PCDH15: variants seen among roughly 807,000 people sequenced by gnomAD.
PCDH15 encodes the protein protocadherin-15.
A neutral mutation model predicts 178.5 loss-of-function variants in PCDH15; 129 were observed. The ratio of observed to expected loss-of-function variants is 0.72; its 90% CI spans 0.63 to 0.84. PCDH15 has a LOEUF of 0.84. Ranked by LOEUF, PCDH15 falls within the 40% of genes least tolerant of loss-of-function variation. The pLI is 0.00. For missense variants in PCDH15, 2,230 were observed against 2,099.9 expected, an observed-to-expected ratio of 1.06 and a Z score of -1.21; for synonymous variants, 800 against 732.0, an observed-to-expected ratio of 1.09 and a Z score of -1.50.
intron 13 of PCDH15, among the ~76,000 whole-genome samples, chr10:54,180,098 T>G (rs971946087): frequency 6.6e-6 from 1 of 152,166 alleles, no homozygotes; most frequent in African/African-American, 2.4e-5. Context: ...AATTTTCCCT[T>G]AAACAAAATA....
intron 7 of PCDH15, among the ~76,000 whole-genome samples, chr10:54,320,462 T>C (rs2061526945): frequency 6.6e-6 from 1 of 152,052 alleles, no homozygotes; most frequent in African/African-American, 2.4e-5. Flanking sequence ...AGGAGCAACA[T>C]GTGGCATGTG....
intron 20 of PCDH15, among the ~76,000 whole-genome samples, chr10:54,015,100 A>T (rs926026486): frequency 7.2e-5 from 11 of 152,182 alleles, no homozygotes; most frequent in African/African-American, 2.7e-4. Flanking sequence ...CAGTAATAGC[A>T]TTCCTATGTA....
intron 2 of PCDH15, among the ~76,000 whole-genome samples, chr10:54,985,269 G>C (rs887724260): frequency 2.0e-5 from 3 of 152,084 alleles, no homozygotes; most frequent in Non-Finnish European, 4.4e-5. Context: ...ATTGAAAAGA[G>C]ATATGGACTC....
chr10:54,772,814 G>T (rs1343375928), intron 1 of PCDH15, among the ~76,000 whole-genome samples: 1 of 152,066 alleles, frequency 6.6e-6, no homozygotes, highest in Non-Finnish European at 1.5e-5. Flanking sequence ...ACACATGCAT[G>T]CATATGTTAA....
At chr10:55,163,471 G>A (rs753076431) in intron 2 of PCDH15, among the ~76,000 whole-genome samples, 5 of 152,080 alleles carry the variant, frequency 3.3e-5, no homozygotes, top group Non-Finnish European at 7.4e-5. Context: ...AAGAGACTCC[G>A]TTATGAAGAG....
chr10:54,368,485 C>G (rs1423284052), intron 5 of PCDH15, among the ~76,000 whole-genome samples: 1 of 151,338 alleles, frequency 6.6e-6, no homozygotes, highest in African/African-American at 2.4e-5. Context: ...ATACAGTAAC[C>G]ACGGTTTAAA....
At chr10:54,035,631 A>C (rs1297459687) in intron 18 of PCDH15, among the ~76,000 whole-genome samples, 1 of 151,844 alleles carries the variant, frequency 6.6e-6, no homozygotes, top group Non-Finnish European at 1.5e-5. Context: ...ACTTTCCTTG[A>C]GCCTTCCTAT....
intron 1 of PCDH15, among the ~76,000 whole-genome samples, chr10:54,686,231 C>A (rs1054459978): frequency 3.3e-5 from 5 of 151,692 alleles, no homozygotes; most frequent in Non-Finnish European, 7.4e-5. Flanking sequence ...AAATTAAAAT[C>A]ATCAGCTAAT....
chr10:54,833,795 C>T (rs1292743197), intron 3 of PCDH15, among the ~76,000 whole-genome samples: 1 of 152,140 alleles, frequency 6.6e-6, no homozygotes, highest in African/African-American at 2.4e-5. Flanking sequence ...TGAGTACCAA[C>T]TAATTAGAGT....
At chr10:55,572,433 T>A (rs1241341908) in intron 2 of PCDH15, among the ~76,000 whole-genome samples, 1 of 150,752 alleles carries the variant, frequency 6.6e-6, no homozygotes, top group Non-Finnish European at 1.5e-5. Context: ...AGTATATTAA[T>A]ATATTATAAT....
At position 53,805,995 on chromosome 10, in the gene PCDH15, A is replaced by G. The variant is rs369347322; in HGVS notation, c.*584T>C. On this transcript the variant is annotated 3_prime_UTR_variant, in exon 38 of 38. Coordinates refer to ENST00000644397, the MANE Select transcript of PCDH15 (RefSeq NM_001384140.1). ...ATAAATGTATTTATGGTAAAATGTG[A>G]AAACCTTTATACAGGACAATAAAGA... The G allele has an allele frequency of 2.6e-5, 4 of 152,320 alleles. No homozygotes were observed. Among genetic ancestry groups the G allele is most frequent in the African/African-American group, 9.6e-5 (4 of 41,560 alleles). 9.4% of individuals were successfully genotyped at this position (152,320 alleles called of 1,614,324 possible).
intron 28 of PCDH15, among the ~76,000 whole-genome samples, chr10:53,854,144 G>T (rs531842987): frequency 1.5e-4 from 23 of 151,960 alleles, no homozygotes; most frequent in Non-Finnish European, 3.4e-4. Flanking sequence ...CATGCTAAGT[G>T]AAATAATCCA....
At chr10:54,450,363 G>A (rs1051554670) in intron 3 of PCDH15, among the ~76,000 whole-genome samples, 2 of 151,012 alleles carry the variant, frequency 1.3e-5, no homozygotes, top group African/African-American at 2.4e-5. Flanking sequence ...ATCAGGACAT[G>A]GTTTCATAAA....
At chr10:54,397,655 A>G (rs1005393057) in intron 3 of PCDH15, among the ~76,000 whole-genome samples, 2 of 152,036 alleles carry the variant, frequency 1.3e-5, no homozygotes, top group African/African-American at 4.8e-5. Flanking sequence ...TTCCAACAAC[A>G]TTGTGTGCAT....
chr10:55,619,788 A>T lies in PCDH15; in HGVS notation c.-156+7837T>A, dbSNP rs75136313. Among the ~76,000 whole-genome samples, 937 of 152,136 alleles carry T rather than the reference A, an allele frequency of 6.2e-3. 23 individuals carry two copies. The East Asian group carries it at 0.074, about 12-fold the overall frequency. ...ATAGCTTTCCAGATGAAAATGTAGT[A>T]TCCAATGTAGAAGTCACATATAATA... On this transcript the variant is annotated intron_variant, in intron 2 of 5. Coordinates refer to the PCDH15 transcript ENST00000613346.
intron 2 of PCDH15, among the ~76,000 whole-genome samples, chr10:55,425,337 GA>G (rs998618901): frequency 6.6e-6 from 1 of 151,700 alleles, no homozygotes; most frequent in African/African-American, 2.4e-5. Context: ...AAAAGTCATG[GA>G]AAAAACTAAC....
At chr10:54,604,381 C>A (rs2092661655) in intron 2 of PCDH15, among the ~76,000 whole-genome samples, 1 of 151,890 alleles carries the variant, frequency 6.6e-6, no homozygotes, top group Admixed American at 6.6e-5. Context: ...ATATTAAAAT[C>A]TTCTAGTATT....
intron 14 of PCDH15, among the ~76,000 whole-genome samples, chr10:54,139,482 A>T (rs1590734117): frequency 2.0e-5 from 3 of 152,110 alleles, no homozygotes; most frequent in Non-Finnish European, 4.4e-5. Flanking sequence ...TTTGGTGCTC[A>T]TTGGGTGTCT....
intron 1 of PCDH15, among the ~76,000 whole-genome samples, chr10:54,736,718 A>G (rs1944174785): frequency 6.6e-6 from 1 of 152,066 alleles, no homozygotes; most frequent in Non-Finnish European, 1.5e-5. Flanking sequence ...AGGTTCTTAA[A>G]GACAGTATAT....
Sources: gnomAD v4.1 joint callset for allele counts (sites outside exome capture counted in the v4.1 genomes callset) on GRCh38, gnomAD v4.1.1 for gene constraint, MANE v1.5 for transcripts, NCBI Gene and HGNC (gene_info 2026-07-23, HGNC 2026-07-21) for gene names.